Variants in PROM1 observed in about 807,000 individuals in gnomAD.
The protein encoded by PROM1 is prominin 1.
PROM1 carries 105 observed loss-of-function variants against 116.9 expected under a neutral mutation model. The ratio of observed to expected loss-of-function variants is 0.90; its 90% CI spans 0.77 to 1.06. The LOEUF (loss-of-function observed/expected upper bound fraction) is 1.06, where lower values mean the gene tolerates loss of function less well. PROM1 is among the 50% of genes least tolerant of loss of function. PROM1 has a pLI of 0.00. For synonymous variants in PROM1, 393 were observed against 387.0 expected, an observed-to-expected ratio of 1.02 and a Z score of -0.18; for missense variants, 1,122 against 1,045.2, an observed-to-expected ratio of 1.07 and a Z score of -1.01.
chr4:16,040,111 G>C (rs1271496997), intron 2 of PROM1, among the ~76,000 whole-genome samples: 1 of 152,030 alleles, frequency 6.6e-6, no homozygotes, highest in Non-Finnish European at 1.5e-5. Flanking sequence ...ACTAATGGGG[G>C]GGCAAACGAA....
Position 16,023,463 on chromosome 4 carries a change from T to A in PROM1, c.695-48A>T, listed in dbSNP as rs747530419. 3.6e-6 allele frequency: 5 copies of A among 1,390,452 alleles called. No homozygotes were observed. In the Admixed American group the frequency reaches 9.8e-5, roughly 27 times the overall value. The allele number at this position is 1,390,452 out of a possible 1,614,324, so 86.1% of individuals were successfully genotyped here. On this transcript the variant is annotated intron_variant, in intron 7 of 27. Transcript: ENST00000447510. The stretch of plus-strand genomic sequence containing the variant: ...ATGGTGAGGGTGGCCTCTGCTCATC[T>A]CTCCACCCCTCCCTCATTCTCTCCA...
intron 3 of PROM1, 124 bp from the exon 4 acceptor site, chr4:16,035,885 G>A: frequency 1.2e-6 from 1 of 851,568 alleles, no homozygotes; most frequent in Middle Eastern, 2.2e-4. Flanking sequence ...GAGGAAATTG[G>A]GTGATAGAAG....
chr4:16,037,295 G>A (rs1395757235), intron 3 of PROM1, among the ~76,000 whole-genome samples: 2 of 152,132 alleles, frequency 1.3e-5, no homozygotes, highest in Non-Finnish European at 2.9e-5. Flanking sequence ...CAATCACATT[G>A]GGAGATATAA....
intron 26 of PROM1, among the ~76,000 whole-genome samples, chr4:15,977,523 AC>A (rs889156641): frequency 6.6e-6 from 1 of 152,208 alleles, no homozygotes; most frequent in African/African-American, 2.4e-5. Flanking sequence ...CAACTCTGTC[AC>A]AACACAGCAC....
Position 15,979,393 on chromosome 4 carries a change from A to T in PROM1, c.2582+2T>A, listed in dbSNP as rs1717150188. On this transcript the variant is annotated splice_donor_variant, in intron 26 of 27. Coordinates refer to ENST00000447510, the MANE Select transcript of PROM1 (RefSeq NM_006017.3). LOFTEE classifies it high-confidence loss of function. ...GGCATGCACTTCCAGACTTTGCTTTACCTTGTCATAACAGGATTGTGAATA... is the reference window on the plus strand; with the variant it reads ...GGCATGCACTTCCAGACTTTGCTTTTCCTTGTCATAACAGGATTGTGAATA... 6.2e-7 allele frequency: 1 copy of T among 1,613,800 alleles called. No homozygotes were observed. The highest frequency in any genetic ancestry group is 8.5e-7 in the Non-Finnish European group (1 of 1,179,776).
intron 2 of PROM1, among the ~76,000 whole-genome samples, chr4:16,052,281 C>T (rs1027974551): frequency 6.6e-6 from 1 of 152,186 alleles, no homozygotes; most frequent in African/African-American, 2.4e-5. Context: ...TCACTGCACT[C>T]CCACAGAATC....
chr4:16,035,780 G>A lies in PROM1; in HGVS notation c.277-19C>T. 6 of 1,612,930 alleles carry A rather than the reference G, an allele frequency of 3.7e-6. No homozygotes were observed. Among genetic ancestry groups the A allele is most frequent in the Non-Finnish European group, 5.1e-6 (6 of 1,179,138 alleles). On this transcript the variant is annotated intron_variant, in intron 3 of 27. Coordinates refer to ENST00000447510, the MANE Select transcript of PROM1 (RefSeq NM_006017.3). The stretch of plus-strand genomic sequence containing the variant: ...TTTCTGGCTGTAGAAGTCAACGCAG[G>A]TGAGGAATTTTGGCAGAGGCAGCAT...
rs769587553 is a variant in PROM1 at position 15,985,844 on chromosome 4, A to C, written c.2212-16T>G. ...TCTTAGTTTCCTGGAAAGAAACAAA[A>C]GATGAGTAGAAGCATTAAAATGATG... On this transcript the variant is annotated splice_polypyrimidine_tract_variant and intron_variant, in intron 21 of 27. Coordinates refer to ENST00000447510, the MANE Select transcript of PROM1 (RefSeq NM_006017.3). 12 of 382,316 alleles carry C rather than the reference A, an allele frequency of 3.1e-5. No homozygotes were observed. Among genetic ancestry groups the C allele is most frequent in the African/African-American group, 8.5e-5 (2 of 23,548 alleles). 23.7% of individuals were successfully genotyped at this position (382,316 alleles called of 1,614,324 possible).
At chr4:16,038,813 A>G (rs1432112525) in intron 3 of PROM1, 133 bp downstream of exon 3, 19 of 910,900 alleles carry the variant, frequency 2.1e-5, no homozygotes, top group Non-Finnish European at 3.1e-6. Flanking sequence ...ATATTCCATG[A>G]AAGTTCTTAG....
At chr4:16,058,597 A>G (rs1361404446) in intron 2 of PROM1, among the ~76,000 whole-genome samples, 1 of 151,768 alleles carries the variant, frequency 6.6e-6, no homozygotes, top group East Asian at 1.9e-4. Context: ...CAGCGAGCCA[A>G]GATCACGCCA....
At chr4:16,081,204 C>T (rs905405455) in intron 1 of PROM1, among the ~76,000 whole-genome samples, 6 of 151,984 alleles carry the variant, frequency 3.9e-5, no homozygotes, top group Admixed American at 3.3e-4. Flanking sequence ...CTAATGCTAT[C>T]CCTCCCCACT....
intron 26 of PROM1, among the ~76,000 whole-genome samples, chr4:15,975,074 C>T (rs1715757727): frequency 6.6e-6 from 1 of 152,138 alleles, no homozygotes; most frequent in Non-Finnish European, 1.5e-5. Flanking sequence ...GGGTTCCTTC[C>T]ATTGGAAATG....
chr4:16,014,146 G>C (rs1470212195), intron 10 of PROM1, among the ~76,000 whole-genome samples: 3 of 152,286 alleles, frequency 2.0e-5, no homozygotes, highest in Non-Finnish European at 4.4e-5. Context: ...TTTCTTCACT[G>C]TCTGCTGGTG....
rs772242646 is a variant in PROM1 at position 16,020,436 on chromosome 4, T to C, written c.785-1896A>G. On this transcript the variant is annotated intron_variant, in intron 8 of 27. Coordinates refer to ENST00000447510, the MANE Select transcript of PROM1 (RefSeq NM_006017.3). ...AGCATGAAGTCTGGTATCTGGATCATAGCAGAAGCTCAATAAATATTAACC... is the reference window on the plus strand; with the variant it reads ...AGCATGAAGTCTGGTATCTGGATCACAGCAGAAGCTCAATAAATATTAACC... 2.4e-4 allele frequency among the ~76,000 whole-genome samples: 36 copies of C among 152,264 alleles called. 3 individuals are homozygous for C. Among genetic ancestry groups the C allele is most frequent in the Non-Finnish European group, 2.4e-4 (16 of 68,020 alleles).
In PROM1 at chr4:16,033,467, C is replaced by G. The variant is rs1733228468; in HGVS notation, c.346G>C (p.Gly116Arg). 1.9e-6 allele frequency: 3 copies of G among 1,612,316 alleles called. No individual in the cohort carries two copies. Among genetic ancestry groups the G allele is most frequent in the Non-Finnish European group, 2.5e-6 (3 of 1,179,122 alleles). The change falls in exon 5 of 28, where the codon GGG becomes CGG. Residue 116 changes from glycine (G) to arginine (R), a missense_variant. By Grantham distance (125) the Gly-to-Arg change is moderately radical (BLOSUM62 -2). Transcript: ENST00000447510. ...GGCATCAGAATAATAAACAGCAGCC[C>G]CAGGACACAGCATAGAATAATCCCT... ...EAGIILCCVL[G>R]LLFIILMPLV...
At chr4:15,992,467 T>A in intron 16 of PROM1, 76 bp from the exon 17 acceptor site, 2 of 1,502,002 alleles carry the variant, frequency 1.3e-6, no homozygotes, top group Non-Finnish European at 1.8e-6. Flanking sequence ...AAAAGAGCAA[T>A]AAAAGCTGGA....
rs556768400 is a variant in PROM1, at chr4:16,059,799, C to T, written c.220+15888G>A. Among the ~76,000 whole-genome samples, 86 of 152,036 alleles carry T rather than the reference C, an allele frequency of 5.7e-4. No individual in the cohort carries two copies. In the South Asian group the frequency reaches 0.018, roughly 31 times the overall value. On this transcript the variant is annotated intron_variant, in intron 2 of 27. Coordinates refer to ENST00000447510, the MANE Select transcript of PROM1 (RefSeq NM_006017.3). ...GTGAAATAACTAAAATAATTTATAA[C>T]AATGTATATAACAGCAAAATGGTTG...
chr4:15,981,465 G>A (rs1036353922), intron 23 of PROM1, among the ~76,000 whole-genome samples: 8 of 151,686 alleles, frequency 5.3e-5, no homozygotes, highest in African/African-American at 9.7e-5. Flanking sequence ...CCAGCTACTC[G>A]GGAGGCTGAG....
intron 26 of PROM1, among the ~76,000 whole-genome samples, chr4:15,975,109 G>T (rs894714996): frequency 6.6e-5 from 10 of 152,300 alleles, no homozygotes; most frequent in Admixed American, 2.6e-4. Context: ...AAAGATTATG[G>T]TCATTATAGT....
Sources: allele counts gnomAD v4.1 joint callset (sites outside exome capture counted in the v4.1 genomes callset), GRCh38; gene constraint gnomAD v4.1.1; transcripts MANE v1.5; gene names NCBI Gene and HGNC (gene_info 2026-07-23, HGNC 2026-07-21).